Variants in IFIH1 observed in about 807,000 individuals in gnomAD.
IFIH1 encodes the protein interferon-induced helicase C domain-containing protein 1.
A neutral mutation model predicts 107.4 loss-of-function variants in IFIH1; 125 were observed. The observed-to-expected ratio is 1.16, with a 90% CI of 1.01 to 1.35. IFIH1 has a LOEUF of 1.35. Among genes scored for constraint, IFIH1 ranks in the 40% most tolerant of loss-of-function variants. The pLI is 0.00. For missense variants in IFIH1, 1,333 were observed against 1,213.7 expected (o/e 1.10, Z -1.46); for synonymous variants, 458 against 413.2 (o/e 1.11, Z -1.31).
intron 2 of IFIH1, among the ~76,000 whole-genome samples, chr2:162,308,960 A>G (rs191337257): frequency 6.6e-6 from 1 of 152,332 alleles, no homozygotes; most frequent in Admixed American, 6.5e-5. Flanking sequence ...ATTCATGATA[A>G]GGCAAATTCA....
At chr2:162,289,187 T>G (rs1682951779) in intron 4 of IFIH1, among the ~76,000 whole-genome samples, 1 of 151,882 alleles carries the variant, frequency 6.6e-6, no homozygotes, top group Non-Finnish European at 1.5e-5. Context: ...CTCCACATAT[T>G]CCAACTTTTT....
At position 162,310,922 on chromosome 2, in the gene IFIH1, T is replaced by C. The variant is rs751838702; in HGVS notation, c.465A>G (p.Ala155=). The C allele has an allele frequency of 5.0e-6, 8 of 1,612,758 alleles. No homozygotes were observed. In the South Asian group the frequency reaches 8.8e-5, roughly 18 times the overall value. ...CACCTGATTCATTTCCATTGTTTTC[T>C]GCAGCAGCAATCTGTTGTAAGAGAA... ...TIEDRNRIAA[A]ENNGNESGVR... Residue 155 remains alanine, a synonymous_variant, in exon 2 of 16, where the codon GCA becomes GCG. Transcript: ENST00000649979.
intron 4 of IFIH1, among the ~76,000 whole-genome samples, chr2:162,288,670 G>A (rs569697826): frequency 6.6e-6 from 1 of 151,810 alleles, no homozygotes; most frequent in Admixed American, 6.6e-5. Context: ...TGTAGAAAGG[G>A]CTGTGGTGCG....
intron 5 of IFIH1, among the ~76,000 whole-genome samples, chr2:162,282,978 A>T (rs1275881311): frequency 2.0e-5 from 3 of 151,684 alleles, no homozygotes; most frequent in Non-Finnish European, 4.4e-5. Context: ...AGGAATTTGA[A>T]TCTAGTAAGC....
chr2:162,277,367 T>G (rs970441922), intron 10 of IFIH1, 48 bp downstream of exon 10: 1 of 1,341,292 alleles, frequency 7.5e-7, no homozygotes. Context: ...TAAGTTCATG[T>G]TGAAAAGGTA....
intron 1 of IFIH1, among the ~76,000 whole-genome samples, chr2:162,314,510 A>G (rs983154188): frequency 1.4e-5 from 2 of 138,946 alleles, no homozygotes; most frequent in African/African-American, 5.4e-5. Flanking sequence ...TTCTTATTAG[A>G]TGGAGTCTCG....
intron 11 of IFIH1, among the ~76,000 whole-genome samples, chr2:162,276,338 C>T (rs192288012): frequency 7.9e-5 from 12 of 152,270 alleles, no homozygotes; most frequent in African/African-American, 2.9e-4. Context: ...CGCAGTGGCT[C>T]GTGCCTATAA....
chr2:162,288,331 G>A lies in IFIH1; in HGVS notation c.899C>T (p.Ala300Val). The A allele has an allele frequency of 6.2e-7, 1 of 1,612,440 alleles. No homozygotes were observed. The highest frequency in any genetic ancestry group is 1.1e-5 in the South Asian group (1 of 91,046). ...DSDEENVAARASPEPELQLRP... is the reference protein window; with the variant it reads ...DSDEENVAARVSPEPELQLRP... Reference sequence around the variant, plus strand: ...GAGCTGGAGTTCTGGCTCCGGGGATGCTCTTGCTGCCACATTCTCTTCATC... The same window carrying A: ...GAGCTGGAGTTCTGGCTCCGGGGATACTCTTGCTGCCACATTCTCTTCATC... The change falls in exon 5 of 16, where the codon GCA (alanine) becomes GTA (valine). Residue 300 changes from alanine (A) to valine (V), a missense_variant. By Grantham distance (64) the Ala-to-Val change is moderately conservative. Coordinates refer to ENST00000649979, the MANE Select transcript of IFIH1 (RefSeq NM_022168.4).
chr2:162,293,691 AT>A, intron 3 of IFIH1, 23 bp from the exon 4 acceptor site: 1 of 1,483,250 alleles, frequency 6.7e-7, no homozygotes, highest in Non-Finnish European at 9.4e-7. Context: ...ACATTTTAAA[AT>A]ATTTTTAAAA....
chr2:162,278,654 T>C (rs1315430556), intron 8 of IFIH1, among the ~76,000 whole-genome samples: 1 of 152,132 alleles, frequency 6.6e-6, no homozygotes, highest in African/African-American at 2.4e-5. Context: ...AATGCCACAA[T>C]TATTTAGAAA....
intron 1 of IFIH1, among the ~76,000 whole-genome samples, chr2:162,315,812 T>C (rs1024144448): frequency 2.0e-5 from 3 of 152,238 alleles, no homozygotes; most frequent in Non-Finnish European, 4.4e-5. Flanking sequence ...TCCGTCTCAT[T>C]GTCCACCATA....
chr2:162,317,700 A>T (rs1160389751), intron 1 of IFIH1, among the ~76,000 whole-genome samples, 155 bp downstream of exon 1: 1 of 152,218 alleles, frequency 6.6e-6, no homozygotes, highest in East Asian at 1.9e-4. Context: ...TTAAATTTTT[A>T]AAATTGTCTT....
intron 3 of IFIH1, among the ~76,000 whole-genome samples, chr2:162,295,514 A>G (rs940289639): frequency 6.6e-6 from 1 of 152,024 alleles, no homozygotes; most frequent in Admixed American, 6.6e-5. Context: ...TATGTAAGGT[A>G]TCTTTCTTAA....
chr2:162,278,188 G>A lies in IFIH1; in HGVS notation c.1765+17C>T, dbSNP rs1393567977. 2.5e-6 allele frequency: 4 copies of A among 1,597,140 alleles called. No homozygotes were observed. Among genetic ancestry groups the A allele is most frequent in the Middle Eastern group, 2.0e-4 (1 of 5,084 alleles). ...AAACATGGGATAAACTAAGTGTTAG[G>A]TCCAAACCTAAATTACCTTTTTTTT... On this transcript the variant is annotated intron_variant, in intron 9 of 15. Transcript: ENST00000649979.
chr2:162,267,583 A>C lies in IFIH1; in HGVS notation c.2808-14T>G. On this transcript the variant is annotated splice_polypyrimidine_tract_variant and intron_variant, in intron 14 of 15. Coordinates refer to ENST00000649979, the MANE Select transcript of IFIH1 (RefSeq NM_022168.4). Reference sequence around the variant, plus strand: ...ATGTAAAGTTCCCTATAAGTATCAAAGGGAAAGAATCATCATGGAGAACTG... The same window carrying C: ...ATGTAAAGTTCCCTATAAGTATCAACGGGAAAGAATCATCATGGAGAACTG... The C allele has an allele frequency of 2.6e-6, 4 of 1,562,114 alleles. No individual in the cohort carries two copies. Among genetic ancestry groups the C allele is most frequent in the Non-Finnish European group, 3.5e-6 (4 of 1,132,138 alleles).
At chr2:162,292,618 A>T (rs1683014175) in intron 4 of IFIH1, among the ~76,000 whole-genome samples, 1 of 151,904 alleles carries the variant, frequency 6.6e-6, no homozygotes, top group Admixed American at 6.6e-5. Flanking sequence ...GGATAATCTG[A>T]ATTATATAAT....
intron 1 of IFIH1, among the ~76,000 whole-genome samples, chr2:162,314,286 T>A (rs1683431198): frequency 6.6e-6 from 1 of 152,084 alleles, no homozygotes; most frequent in Non-Finnish European, 1.5e-5. Flanking sequence ...ATGGCATATA[T>A]TTATTGCTGA....
intron 1 of IFIH1, among the ~76,000 whole-genome samples, chr2:162,316,660 GA>G (rs1258029128): frequency 6.6e-6 from 1 of 151,622 alleles, no homozygotes; most frequent in Non-Finnish European, 1.5e-5. Context: ...GAGAGAGAGA[GA>G]AAAAAACCAT....
At chr2:162,272,203 A>G in intron 13 of IFIH1, 23 bp downstream of exon 13, 2 of 1,597,698 alleles carry the variant, frequency 1.3e-6, no homozygotes, top group Non-Finnish European at 8.6e-7. Context: ...ATGAAAATCA[A>G]ATTCAGAGGT....
Sources: gnomAD v4.1 joint callset for allele counts (sites outside exome capture counted in the v4.1 genomes callset) on GRCh38, gnomAD v4.1.1 for gene constraint, MANE v1.5 for transcripts, NCBI Gene and HGNC (gene_info 2026-07-23, HGNC 2026-07-21) for gene names.